MAP1B: variants seen among roughly 807,000 people sequenced by gnomAD.
The protein encoded by MAP1B is microtubule associated protein 1B.
A neutral mutation model predicts 176.1 loss-of-function variants in MAP1B; 12 were observed. That is an observed-to-expected ratio of 0.07 (90% CI 0.04 to 0.11). The LOEUF (loss-of-function observed/expected upper bound fraction) is 0.11. Among genes scored for constraint, MAP1B ranks in the 10% least tolerant of loss-of-function variants. The pLI, the probability that MAP1B is intolerant of heterozygous loss-of-function variation, is 1.00. For missense variants in MAP1B, 2,523 were observed against 2,990.5 expected, an observed-to-expected ratio of 0.84 and a Z score of 3.65; for synonymous variants, 1,044 against 1,135.0, an observed-to-expected ratio of 0.92 and a Z score of 1.61.
At chr5:72,108,311 T>C (rs375825965) in intron 1 of MAP1B, among the ~76,000 whole-genome samples, 1 of 151,722 alleles carries the variant, frequency 6.6e-6, no homozygotes, top group Non-Finnish European at 1.5e-5. Context: ...CCCGGGGAGA[T>C]GCTGGGATGC....
intron 2 of MAP1B, among the ~76,000 whole-genome samples, chr5:72,168,528 C>A (rs1299576643): frequency 1.3e-5 from 2 of 152,152 alleles, no homozygotes; most frequent in Non-Finnish European, 2.9e-5. Context: ...GAGAATAATG[C>A]AAGACAGGAA....
chr5:72,139,647 T>C (rs977727355), intron 2 of MAP1B, among the ~76,000 whole-genome samples: 5 of 152,304 alleles, frequency 3.3e-5, no homozygotes, highest in South Asian at 2.1e-4. Context: ...AGGACCACAG[T>C]TGAGGGTAAG....
At chr5:72,183,583 T>G (rs1292647283) in intron 2 of MAP1B, among the ~76,000 whole-genome samples, 160 bp from the exon 3 acceptor site, 2 of 152,246 alleles carry the variant, frequency 1.3e-5, no homozygotes, top group African/African-American at 4.8e-5. Flanking sequence ...CCCTCTTTTT[T>G]AATAGCACCA....
At chr5:72,182,308 T>C (rs1432524574) in intron 2 of MAP1B, among the ~76,000 whole-genome samples, 1 of 152,234 alleles carries the variant, frequency 6.6e-6, no homozygotes, top group African/African-American at 2.4e-5. Context: ...TTCTAGAGAT[T>C]TCATGTAATT....
At position 72,197,652 on chromosome 5, in the gene MAP1B, A is replaced by G. The variant is rs139605891; in HGVS notation, c.4297A>G (p.Ser1433Gly). The G allele has an allele frequency of 6.2e-7, 1 of 1,614,110 alleles. No homozygotes were observed. Among genetic ancestry groups the G allele is most frequent in the Non-Finnish European group, 8.5e-7 (1 of 1,180,052 alleles). The change falls in exon 5 of 7, where the codon AGT becomes GGT. Residue 1433 changes from serine to glycine, a missense_variant. Physicochemically the swap from Ser to Gly is moderately conservative, Grantham distance 56. Around this residue, in one of 4 missense-constraint regions of MAP1B, gnomAD observed 1,925 missense variants for 2,126.0 expected, o/e 0.91. Coordinates refer to ENST00000296755, the MANE Select transcript of MAP1B (RefSeq NM_005909.5). ...RGAESPFEEK[S>G]GKQGSPDQVS... ...TGCCGAAAGTCCTTTTGAAGAAAAG[A>G]GTGGAAAACAAGGCTCTCCAGACCA...
chr5:72,194,935 C>T lies in MAP1B; in HGVS notation c.1580C>T (p.Thr527Ile). The change falls in exon 5 of 7, where the codon ACT becomes ATT. Residue 527 changes from threonine (T) to isoleucine (I), a missense_variant. Thr to Ile is a moderately conservative substitution (Grantham distance 89). This residue lies in a region of MAP1B where 1,925 missense variants were observed against 2,126.0 expected (regional missense o/e 0.91). Transcript: ENST00000296755. The surrounding 1 kb of genome is among the most constrained non-coding windows in gnomAD (Gnocchi z 7.2). ...TQKDLTGQVP[T>I]PVVKQTKLKQ... ...AAGGATCTCACTGGCCAGGTGCCCACTCCTGTGGTGAAACAAACAAAACTG... is the reference window on the plus strand; with the variant it reads ...AAGGATCTCACTGGCCAGGTGCCCATTCCTGTGGTGAAACAAACAAAACTG... 1.9e-6 allele frequency: 3 copies of T among 1,614,174 alleles called. No homozygotes were observed. The highest frequency in any genetic ancestry group is 2.5e-6 in the Non-Finnish European group (3 of 1,180,028).
rs182765437 is a variant in MAP1B, at chr5:72,206,636, A to G, written c.*1397A>G. The G allele has an allele frequency of 4.5e-4, 69 of 152,490 alleles. No homozygotes were observed. The highest frequency in any genetic ancestry group is 8.4e-4 in the Non-Finnish European group (57 of 68,028). The allele number at this position is 152,490 out of a possible 1,614,324, so 9.4% of individuals were successfully genotyped here. Reference sequence around the variant, plus strand: ...TAAGATATGTGAGAACTTTTCATAGATGAACTTTTTAACAAATGTTTTCAT... The same window carrying G: ...TAAGATATGTGAGAACTTTTCATAGGTGAACTTTTTAACAAATGTTTTCAT... On this transcript the variant is annotated 3_prime_UTR_variant, in exon 7 of 7. Transcript: ENST00000296755.
intron 2 of MAP1B, among the ~76,000 whole-genome samples, chr5:72,150,215 T>A (rs1746117283): frequency 6.6e-6 from 1 of 152,268 alleles, no homozygotes; most frequent in African/African-American, 2.4e-5. Flanking sequence ...TATCTGCTAT[T>A]TTTACTTTAT....
At position 72,124,168 on chromosome 5, in the gene MAP1B, C is replaced by T. The variant is rs899439396; in HGVS notation, c.286+8369C>T. ...GCTACCTAGGCAACGATCAAGTATC[C>T]CCAGACATCATACTCCAGGGCTTAC... On this transcript the variant is annotated intron_variant, in intron 2 of 6. Coordinates refer to ENST00000296755, the MANE Select transcript of MAP1B (RefSeq NM_005909.5). 2.6e-5 allele frequency among the ~76,000 whole-genome samples: 4 copies of T among 152,098 alleles called. No individual in the cohort carries two copies. In the East Asian group the frequency reaches 7.7e-4, roughly 29 times the overall value.
In MAP1B at chr5:72,195,869, G is replaced by C. The variant is rs201467152; in HGVS notation, c.2514G>C (p.Lys838Asn). The change falls in exon 5 of 7, where the codon AAG becomes AAC. Residue 838 changes from lysine (K) to asparagine (N), a missense_variant. Lys to Asn is a moderately conservative substitution (Grantham distance 94, BLOSUM62 0). Around this residue, in one of 4 missense-constraint regions of MAP1B, gnomAD observed 1,925 missense variants for 2,126.0 expected, o/e 0.91. Transcript: ENST00000296755. ...SLMSSPEDLT[K>N]DFEELKAEEV... ...TGTCATCTCCTGAGGATCTAACCAA[G>C]GACTTTGAAGAGTTAAAGGCTGAAG... 231 of 1,614,076 alleles carry C rather than the reference G, an allele frequency of 1.4e-4. 1 individual carries two copies. The highest frequency in any genetic ancestry group is 2.4e-5 in the Non-Finnish European group (28 of 1,180,056).
At position 72,115,689 on chromosome 5, in the gene MAP1B, C is replaced by T; in HGVS notation, c.185-9C>T. The T allele has an allele frequency of 6.5e-7, 1 of 1,532,274 alleles. No homozygotes were observed. Among genetic ancestry groups the T allele is most frequent in the Non-Finnish European group, 9.0e-7 (1 of 1,105,362 alleles). The allele number at this position is 1,532,274 out of a possible 1,614,324, so 94.9% of individuals were successfully genotyped here. A position where few individuals can be genotyped will look rare whatever the true frequency, so the allele number is the denominator to read the frequency against. ...GAAGTCTCTCAACTGTCTTTCTTTC[C>T]CTCCCTAGGAATCCGATCATGGGAC... On this transcript the variant is annotated splice_polypyrimidine_tract_variant and intron_variant, in intron 1 of 6. Coordinates refer to ENST00000296755, the MANE Select transcript of MAP1B (RefSeq NM_005909.5).
chr5:72,207,918 C>G lies in MAP1B; in HGVS notation c.*2679C>G, dbSNP rs1479972233. 5 of 149,238 alleles carry G rather than the reference C, an allele frequency of 3.4e-5. No homozygotes were observed. The highest frequency in any genetic ancestry group is 7.4e-5 in the Non-Finnish European group (5 of 67,620). The allele number at this position is 149,238 out of a possible 1,614,324, so 9.2% of individuals were successfully genotyped here. On this transcript the variant is annotated 3_prime_UTR_variant, in exon 7 of 7. Coordinates refer to ENST00000296755, the MANE Select transcript of MAP1B (RefSeq NM_005909.5). ...TTGTAGGAGAATTATAGCCAGTCTT[C>G]AGTTATAACCACTCCACCCTCCTCA...
In MAP1B at chr5:72,205,330, A is replaced by C; in HGVS notation, c.*91A>C. The C allele has an allele frequency of 7.5e-7, 1 of 1,332,820 alleles. No individual in the cohort carries two copies. The highest frequency in any genetic ancestry group is 1.0e-6 in the Non-Finnish European group (1 of 957,768). The allele number at this position is 1,332,820 out of a possible 1,614,324, so 82.6% of individuals were successfully genotyped here. A position where few individuals can be genotyped will look rare whatever the true frequency, so the allele number is the denominator to read the frequency against. ...CCTTTTCTAAAAAGTCAATTCATCT[A>C]GTTAAGTCGCTGAACAATTACCTGC... On this transcript the variant is annotated 3_prime_UTR_variant, in exon 7 of 7. Coordinates refer to ENST00000296755, the MANE Select transcript of MAP1B (RefSeq NM_005909.5).
At position 72,125,970 on chromosome 5, in the gene MAP1B, C is replaced by T. The variant is rs780741159; in HGVS notation, c.286+10171C>T. 2.0e-5 allele frequency among the ~76,000 whole-genome samples: 3 copies of T among 152,230 alleles called. No individual in the cohort carries two copies. In the South Asian group the frequency reaches 6.2e-4, roughly 32 times the overall value. On this transcript the variant is annotated intron_variant, in intron 2 of 6. Coordinates refer to ENST00000296755, the MANE Select transcript of MAP1B (RefSeq NM_005909.5). ...TCAAGATTGTCTTTATCTTTGAGTG[C>T]TGGAAAATTGTCCATTGGCAGACTC...
chr5:72,163,930 CTTTTTTTTTTTTTT>C (rs869167918), intron 2 of MAP1B, among the ~76,000 whole-genome samples: 2 of 43,718 alleles, frequency 4.6e-5, no homozygotes, highest in Admixed American at 7.9e-4. Context: ...TTTTTTTTTT[CTTTTTTTTTTTTTT>C]TTTTTTTGAG....
At chr5:72,203,824 T>A in intron 6 of MAP1B, 23 bp downstream of exon 6, 1 of 1,593,056 alleles carries the variant, frequency 6.3e-7, no homozygotes, top group Non-Finnish European at 8.6e-7. Context: ...CGACAGTGTC[T>A]GCACTGCCGA....
intron 2 of MAP1B, among the ~76,000 whole-genome samples, chr5:72,121,740 G>A (rs1188158790): frequency 1.3e-5 from 2 of 152,230 alleles, no homozygotes; most frequent in African/African-American, 4.8e-5. Flanking sequence ...CTAGACTTGT[G>A]TGTTTAGTCT....
At chr5:72,126,443 T>C (rs1198886884) in intron 2 of MAP1B, among the ~76,000 whole-genome samples, 1 of 152,226 alleles carries the variant, frequency 6.6e-6, no homozygotes, top group Non-Finnish European at 1.5e-5. Context: ...GAGGCATAAA[T>C]TGTATGTGTA....
At chr5:72,125,731 G>A (rs998340003) in intron 2 of MAP1B, among the ~76,000 whole-genome samples, 2 of 152,060 alleles carry the variant, frequency 1.3e-5, no homozygotes, top group African/African-American at 4.8e-5. Context: ...ATGCAAATTG[G>A]GGCATAAATG....
Sources: allele counts gnomAD v4.1 joint callset (sites outside exome capture counted in the v4.1 genomes callset), GRCh38; gene constraint gnomAD v4.1.1; regional missense constraint gnomAD v4.1.1; non-coding constraint Gnocchi (gnomAD v3.1); transcripts MANE v1.5; gene names NCBI Gene and HGNC (gene_info 2026-07-23, HGNC 2026-07-21).